Variants in CYP4V2 observed in about 807,000 individuals in gnomAD.
CYP4V2 encodes cytochrome P450 4V2.
A neutral mutation model predicts 60.8 loss-of-function variants in CYP4V2; 55 were observed. The ratio of observed to expected loss-of-function variants is 0.90; its 90% CI spans 0.73 to 1.13. The LOEUF (loss-of-function observed/expected upper bound fraction) is 1.13. CYP4V2 is among the 50% of genes most tolerant of loss of function. The probability of loss-of-function intolerance (pLI) is 0.00; values close to 1 mark genes in which losing one functional copy is unlikely to be tolerated. For synonymous variants in CYP4V2, 239 were observed against 236.8 expected, an observed-to-expected ratio of 1.01 and a Z score of -0.08; for missense variants, 675 against 662.9, an observed-to-expected ratio of 1.02 and a Z score of -0.20.
At chr4:186,208,741 T>G in intron 8 of CYP4V2, 124 bp from the exon 9 acceptor site, 1 of 1,375,106 alleles carries the variant, frequency 7.3e-7, no homozygotes, top group Non-Finnish European at 1.0e-6. Context: ...CCACGTGTTC[T>G]TCTTTGTTGG....
At chr4:186,208,720 C>A (rs572882783) in intron 8 of CYP4V2, 145 bp from the exon 9 acceptor site, 1 of 1,161,436 alleles carries the variant, frequency 8.6e-7, no homozygotes, top group Middle Eastern at 2.4e-4. Flanking sequence ...TTTAGCATCC[C>A]CTGCCTTGAT....
intron 7 of CYP4V2, chr4:186,204,384 C>CTGGCGTAAGGTGGCGATGGAGACGT (rs1561435647): frequency 1.3e-5 from 1 of 78,224 alleles, no homozygotes; most frequent in Non-Finnish European, 2.7e-5. Context: ...GGTGGAGGCG[C>CTGGCGTAAGGTGGCGATGGAGACGT]TACGCTGGCG....
rs1736135524 is a variant in CYP4V2 at position 186,195,969 on chromosome 4, G to C, written c.328-34G>C. 1.3e-6 allele frequency: 2 copies of C among 1,486,320 alleles called. No homozygotes were observed. The highest frequency in any genetic ancestry group is 2.8e-5 in the African/African-American group (2 of 72,330). 92.1% of individuals were successfully genotyped at this position (1,486,320 alleles called of 1,614,324 possible). A position where few individuals can be genotyped will look rare whatever the true frequency, so the allele number is the denominator to read the frequency against. On this transcript the variant is annotated intron_variant, in intron 2 of 10. Transcript: ENST00000378802. The surrounding 1 kb of genome is among the most constrained non-coding windows in gnomAD (Gnocchi z 4.1). ...ATTACAGGAAGGTTGTTTGATGTCT[G>C]TATGTCTCTAAAGTATGTTTTTCTC...
intron 5 of CYP4V2, 144 bp from the exon 6 acceptor site, chr4:186,198,813 G>GAA (rs1736227025): frequency 3.2e-6 from 4 of 1,236,090 alleles, no homozygotes; most frequent in Non-Finnish European, 4.6e-6. Flanking sequence ...TCACTGCTAA[G>GAA]CATAAAACAT....
In CYP4V2 at chr4:186,192,057, C is replaced by T; in HGVS notation, c.214+20C>T. On this transcript the variant is annotated intron_variant, in intron 1 of 10. Coordinates refer to ENST00000378802, the MANE Select transcript of CYP4V2 (RefSeq NM_207352.4). ...GGCGAGGTAAGGGCCGGCGCTCCTC[C>T]TGGAGCGCAACGGGGTCCGCAGCCC... 2 of 1,555,756 alleles carry T rather than the reference C, an allele frequency of 1.3e-6. No individual in the cohort carries two copies. Among genetic ancestry groups the T allele is most frequent in the Non-Finnish European group, 1.7e-6 (2 of 1,156,238 alleles).
chr4:186,197,787 TTATG>T lies in CYP4V2; in HGVS notation c.674+188_674+191del, dbSNP rs66628265. 0.35 allele frequency among the ~76,000 whole-genome samples: 53,705 copies of T among 151,790 alleles called. 9,823 individuals are homozygous for T. Among genetic ancestry groups the T allele is most frequent in the Non-Finnish European group, 0.4 (27,474 of 67,868 alleles). On this transcript the variant is annotated intron_variant, in intron 5 of 10. Transcript: ENST00000378802. ...TTATGTAAATTATGGCACATCTAGA[TTATG>T]TAGTAATTTAAAATGATTATTCTCT... is the stretch of plus-strand genomic sequence containing the variant.
chr4:186,210,829 T>A lies in CYP4V2; in HGVS notation c.*188T>A. The A allele has an allele frequency of 1.4e-6, 1 of 725,270 alleles. No homozygotes were observed. The highest frequency in any genetic ancestry group is 2.2e-6 in the Non-Finnish European group (1 of 455,340). 44.9% of individuals were successfully genotyped at this position (725,270 alleles called of 1,614,324 possible). The stretch of plus-strand genomic sequence containing the variant: ...TTTGAGTTTTGTATTTTCTTTTTTC[T>A]TTTTTCTTTATTTTTTTTTTTTGAA... On this transcript the variant is annotated 3_prime_UTR_variant, in exon 11 of 11. Coordinates refer to ENST00000378802, the MANE Select transcript of CYP4V2 (RefSeq NM_207352.4).
In CYP4V2 at chr4:186,194,791, G is replaced by A. The variant is rs7683424; in HGVS notation, c.327+179G>A. On this transcript the variant is annotated intron_variant, in intron 2 of 10. Coordinates refer to ENST00000378802, the MANE Select transcript of CYP4V2 (RefSeq NM_207352.4). ...TTTCCAGGTATAGCCCGAATCCTGG[G>A]AGATTAACATTCTCCAGATATAAGT... is the stretch of plus-strand genomic sequence containing the variant. Among the ~76,000 whole-genome samples, 54,277 of 152,058 alleles carry A rather than the reference G, an allele frequency of 0.36. 10,091 individuals are homozygous for A. The highest frequency in any genetic ancestry group is 0.41 in the Non-Finnish European group (28,039 of 67,998).
rs1032178162 is a variant in CYP4V2, at chr4:186,212,514, A to T, written c.*1873A>T. 1 of 152,200 alleles carries T rather than the reference A, an allele frequency of 6.6e-6. No individual in the cohort carries two copies. The highest frequency in any genetic ancestry group is 1.5e-5 in the Non-Finnish European group (1 of 68,038). 9.4% of individuals were successfully genotyped at this position (152,200 alleles called of 1,614,324 possible). On this transcript the variant is annotated 3_prime_UTR_variant, in exon 11 of 11. Coordinates refer to ENST00000378802, the MANE Select transcript of CYP4V2 (RefSeq NM_207352.4). ...TTTAAACAAGATTGGTTTTGTTTTC[A>T]ATTTTTATTCACTCTTCATAGAATC...
intron 1 of CYP4V2, 141 bp downstream of exon 1, chr4:186,192,178 C>G (rs972643992): frequency 1.8e-6 from 2 of 1,142,494 alleles, no homozygotes; most frequent in Admixed American, 2.0e-5. Flanking sequence ...ACTCCCAGTT[C>G]TAGTCGTTGC....
At chr4:186,201,479 A>G (rs977365944) in intron 7 of CYP4V2, 137 bp downstream of exon 7, 1 of 1,094,912 alleles carries the variant, frequency 9.1e-7, no homozygotes, top group African/African-American at 1.6e-5. Context: ...ATTAGAAATT[A>G]CAAAATTTAA....
At chr4:186,198,815 A>G in intron 5 of CYP4V2, 142 bp from the exon 6 acceptor site, 1 of 1,272,214 alleles carries the variant, frequency 7.9e-7, no homozygotes. Flanking sequence ...ACTGCTAAGC[A>G]TAAAACATGG....
At position 186,209,128 on chromosome 4, in the gene CYP4V2, A is replaced by G. The variant is rs1736628115; in HGVS notation, c.1261A>G (p.Ile421Val). The G allele has an allele frequency of 6.2e-7, 1 of 1,614,156 alleles. No homozygotes were observed. The highest frequency in any genetic ancestry group is 8.5e-7 in the Non-Finnish European group (1 of 1,180,016). Residue 421 changes from isoleucine (I) to valine (V), a missense_variant, in exon 10 of 11, where the codon ATC (isoleucine) becomes GTC (valine). Transcript: ENST00000378802. ...YRVLKGTEAVIIPYALHRDPR... is the reference protein window; with the variant it reads ...YRVLKGTEAVVIPYALHRDPR... ...AGTTCTAAAAGGCACTGAAGCCGTCATCATTCCCTATGCATTGCACAGAGA... is the reference window on the plus strand; with the variant it reads ...AGTTCTAAAAGGCACTGAAGCCGTCGTCATTCCCTATGCATTGCACAGAGA...
Position 186,212,792 on chromosome 4 carries a change from T to C in CYP4V2, c.*2151T>C, listed in dbSNP as rs1561440896. On this transcript the variant is annotated 3_prime_UTR_variant, in exon 11 of 11. Coordinates refer to ENST00000378802, the MANE Select transcript of CYP4V2 (RefSeq NM_207352.4). ...GGCAAGCCCTGTAGCCTGGGCCATTTAAGACAGGGGCGGTCTCAGCCAAAT... is the reference window on the plus strand; with the variant it reads ...GGCAAGCCCTGTAGCCTGGGCCATTCAAGACAGGGGCGGTCTCAGCCAAAT... 6.6e-6 allele frequency: 1 copy of C among 152,222 alleles called. No homozygotes were observed. The highest frequency in any genetic ancestry group is 1.5e-5 in the Non-Finnish European group (1 of 68,038). 9.4% of individuals were successfully genotyped at this position (152,222 alleles called of 1,614,324 possible). A position where few individuals can be genotyped will look rare whatever the true frequency, so the allele number is the denominator to read the frequency against.
At position 186,201,320 on chromosome 4, in the gene CYP4V2, A is replaced by T. The variant is rs758467157; in HGVS notation, c.965A>T (p.Glu322Val). 1.2e-6 allele frequency: 2 copies of T among 1,614,176 alleles called. No homozygotes were observed. Among genetic ancestry groups the T allele is most frequent in the Non-Finnish European group, 1.7e-6 (2 of 1,180,030 alleles). The change falls in exon 7 of 11, where the codon GAA becomes GTA. Residue 322 changes from glutamate to valine, a missense_variant. Coordinates refer to ENST00000378802, the MANE Select transcript of CYP4V2 (RefSeq NM_207352.4). ...NRLSHEDIRE[E>V]VDTFMFEGHD... is the part of the protein sequence containing the mutation. ...CTAAGTCATGAAGATATTCGAGAAG[A>T]AGTTGACACCTTCATGTTTGAGGTA...
chr4:186,205,100 C>A, intron 7 of CYP4V2, 100 bp from the exon 8 acceptor site: 1 of 1,062,958 alleles, frequency 9.4e-7, no homozygotes, highest in Non-Finnish European at 1.5e-6. Context: ...AGTCACAGTG[C>A]AGTCATCAAA....
intron 2 of CYP4V2, among the ~76,000 whole-genome samples, chr4:186,194,868 C>A (rs952697793): frequency 2.0e-5 from 3 of 152,134 alleles, no homozygotes; most frequent in South Asian, 2.1e-4. Context: ...GAAAGGATAT[C>A]GTTTTTTAGA....
chr4:186,201,017 C>T (rs1579967456), intron 6 of CYP4V2, 140 bp from the exon 7 acceptor site: 4 of 854,260 alleles, frequency 4.7e-6, no homozygotes, highest in Non-Finnish European at 3.6e-6. Context: ...TGTATTTTCA[C>T]AAGAGCCTAT....
chr4:186,208,806 G>A (rs1274225658), intron 8 of CYP4V2, 59 bp from the exon 9 acceptor site: 1 of 1,612,132 alleles, frequency 6.2e-7, no homozygotes, highest in Non-Finnish European at 8.5e-7. Flanking sequence ...CTTTTTAGAT[G>A]TCTGCACCCC....
Sources: allele counts gnomAD v4.1 joint callset (sites outside exome capture counted in the v4.1 genomes callset), GRCh38; gene constraint gnomAD v4.1.1; non-coding constraint Gnocchi (gnomAD v3.1); transcripts MANE v1.5; gene names NCBI Gene and HGNC (gene_info 2026-07-23, HGNC 2026-07-21).